SNTG1: variants seen among roughly 807,000 people sequenced by gnomAD.
The protein encoded by SNTG1 is gamma-1-syntrophin.
SNTG1 carries 39 observed loss-of-function variants against 74.7 expected under a neutral mutation model. That is an observed-to-expected ratio of 0.52 (90% CI 0.40 to 0.68). The LOEUF (loss-of-function observed/expected upper bound fraction) is 0.68. Ranked by LOEUF, SNTG1 falls within the 30% of genes least tolerant of loss-of-function variation. The pLI, the probability that SNTG1 is intolerant of heterozygous loss-of-function variation, is 0.00. For synonymous variants in SNTG1, 254 were observed against 217.1 expected (o/e 1.17, Z -1.49); for missense variants, 685 against 609.5 (o/e 1.12, Z -1.30).
At chr8:50,148,878 T>C (rs2081966446) in intron 1 of SNTG1, among the ~76,000 whole-genome samples, 1 of 152,232 alleles carries the variant, frequency 6.6e-6, no homozygotes, top group Admixed American at 6.5e-5. Flanking sequence ...TGTGCCTTGA[T>C]AGCAGCATGA....
chr8:50,172,093 C>T (rs1338804554), intron 1 of SNTG1, among the ~76,000 whole-genome samples: 1 of 152,090 alleles, frequency 6.6e-6, no homozygotes, highest in Non-Finnish European at 1.5e-5. Context: ...GGTCAGCCTG[C>T]CCCCCACCAC....
At chr8:50,474,175 C>G (rs1268695564) in intron 8 of SNTG1, among the ~76,000 whole-genome samples, 1 of 151,954 alleles carries the variant, frequency 6.6e-6, no homozygotes, top group African/African-American at 2.4e-5. Context: ...GCAAGGACTT[C>G]ACGTCTAAAA....
At chr8:50,319,152 T>G (rs996266235) in intron 2 of SNTG1, among the ~76,000 whole-genome samples, 10 of 152,140 alleles carry the variant, frequency 6.6e-5, no homozygotes, top group African/African-American at 9.7e-5. Flanking sequence ...TCTATTTATT[T>G]AACGATTTTT....
At chr8:50,166,831 A>C (rs1331403496) in intron 1 of SNTG1, among the ~76,000 whole-genome samples, 2 of 150,940 alleles carry the variant, frequency 1.3e-5, no homozygotes, top group Non-Finnish European at 2.9e-5. Context: ...ACGTATGTTT[A>C]TTGCGGCATT....
intron 1 of SNTG1, among the ~76,000 whole-genome samples, chr8:49,914,690 T>G (rs1374456829): frequency 6.6e-6 from 1 of 152,186 alleles, no homozygotes; most frequent in East Asian, 1.9e-4. Context: ...TTCAATCAAG[T>G]TCAAACATTT....
chr8:50,497,293 A>G (rs1585466214), intron 8 of SNTG1, among the ~76,000 whole-genome samples: 1 of 152,000 alleles, frequency 6.6e-6, no homozygotes, highest in African/African-American at 2.4e-5. Context: ...TTTTTCCCAT[A>G]TCTATACCCA....
At chr8:49,973,021 C>T (rs1194834476) in intron 1 of SNTG1, among the ~76,000 whole-genome samples, 1 of 152,078 alleles carries the variant, frequency 6.6e-6, no homozygotes, top group Non-Finnish European at 1.5e-5. Flanking sequence ...TGGGTATATA[C>T]CCAAAGGATT....
At chr8:50,320,325 T>A (rs1022578422) in intron 2 of SNTG1, among the ~76,000 whole-genome samples, 1 of 152,186 alleles carries the variant, frequency 6.6e-6, no homozygotes, top group Non-Finnish European at 1.5e-5. Flanking sequence ...CCACAAATGA[T>A]CTTTTGAATT....
intron 2 of SNTG1, among the ~76,000 whole-genome samples, chr8:50,315,468 C>T (rs2090280555): frequency 6.7e-6 from 1 of 149,566 alleles, no homozygotes; most frequent in African/African-American, 2.5e-5. Flanking sequence ...TCATATTATG[C>T]AACATTGTTG....
intron 1 of SNTG1, chr8:50,011,815 G>C (rs1052614451): frequency 1.3e-5 from 2 of 152,148 alleles, no homozygotes; most frequent in Non-Finnish European, 2.9e-5. Context: ...TCTGTGCTGA[G>C]AGCATAGCAA....
At chr8:50,556,462 T>C (rs1478685554) in intron 12 of SNTG1, among the ~76,000 whole-genome samples, 1 of 152,222 alleles carries the variant, frequency 6.6e-6, no homozygotes, top group Non-Finnish European at 1.5e-5. Flanking sequence ...TTCTAAAAGG[T>C]AGAATTTATA....
intron 2 of SNTG1, among the ~76,000 whole-genome samples, chr8:50,389,899 T>A (rs951123831): frequency 1.3e-5 from 2 of 152,246 alleles, no homozygotes; most frequent in Non-Finnish European, 2.9e-5. Flanking sequence ...GAAGCATCTG[T>A]TCATATCCTT....
At chr8:50,263,580 A>G (rs1003882059) in intron 2 of SNTG1, among the ~76,000 whole-genome samples, 3 of 152,202 alleles carry the variant, frequency 2.0e-5, no homozygotes, top group Middle Eastern at 3.2e-3. Context: ...TACTAATAGC[A>G]TAAAATAGAT....
At chr8:50,196,282 C>A (rs866042539) in intron 2 of SNTG1, among the ~76,000 whole-genome samples, 3 of 152,172 alleles carry the variant, frequency 2.0e-5, no homozygotes, top group Middle Eastern at 3.4e-3. Context: ...TTATGGCTAG[C>A]AACTGGTATC....
intron 2 of SNTG1, among the ~76,000 whole-genome samples, chr8:50,260,423 A>G (rs1177014297): frequency 1.3e-5 from 2 of 152,122 alleles, no homozygotes; most frequent in Non-Finnish European, 2.9e-5. Flanking sequence ...GGACTATAGT[A>G]CACTTCTCCA....
In SNTG1 at chr8:50,241,651, G is replaced by A. The variant is rs74922603; in HGVS notation, c.-28+69016G>A. Among the ~76,000 whole-genome samples the A allele has an allele frequency of 9.7e-3, 1,479 of 152,236 alleles. 22 individuals carry two copies. The highest frequency in any genetic ancestry group is 0.034 in the African/African-American group (1,401 of 41,532). On this transcript the variant is annotated intron_variant, in intron 2 of 18. Coordinates refer to ENST00000642720, the MANE Select transcript of SNTG1 (RefSeq NM_018967.5). The stretch of plus-strand genomic sequence containing the variant: ...TACGTGAACAGACTTTACTTTTGGC[G>A]AAGAGAAGAGTAAGGTGATGTCTCA...
intron 1 of SNTG1, among the ~76,000 whole-genome samples, chr8:50,075,363 A>C (rs150410262): frequency 6.6e-6 from 1 of 152,224 alleles, no homozygotes; most frequent in African/African-American, 2.4e-5. Flanking sequence ...TGGCTGGAGG[A>C]TTGTATATGC....
intron 1 of SNTG1, among the ~76,000 whole-genome samples, chr8:49,970,005 T>G (rs572499765): frequency 6.6e-6 from 1 of 152,240 alleles, no homozygotes; most frequent in East Asian, 1.9e-4. Flanking sequence ...TGTTTTTATT[T>G]CTTATTTTAC....
chr8:50,703,027 AGTAAAT>A (rs2131521333), intron 15 of SNTG1, among the ~76,000 whole-genome samples: 1 of 152,344 alleles, frequency 6.6e-6, no homozygotes, highest in East Asian at 1.9e-4. Context: ...ATGAGTGATG[AGTAAAT>A]GTGAAGGCCT....
Sources: allele counts gnomAD v4.1 joint callset (sites outside exome capture counted in the v4.1 genomes callset), GRCh38; gene constraint gnomAD v4.1.1; transcripts MANE v1.5; gene names NCBI Gene and HGNC (gene_info 2026-07-23, HGNC 2026-07-21).